FAM161A: variants seen among roughly 807,000 people sequenced by gnomAD.
The protein encoded by FAM161A is FAM161 centrosomal protein A.
FAM161A carries 57 observed loss-of-function variants against 70.9 expected under a neutral mutation model. The observed-to-expected ratio is 0.80, with a 90% CI of 0.65 to 1.00. The LOEUF (loss-of-function observed/expected upper bound fraction) is 1.00. Ranked by LOEUF, FAM161A falls within the 50% of genes least tolerant of loss-of-function variation. FAM161A has a pLI of 0.00. For missense variants in FAM161A, 880 were observed against 836.0 expected, an observed-to-expected ratio of 1.05 and a Z score of -0.65; for synonymous variants, 299 against 295.7, an observed-to-expected ratio of 1.01 and a Z score of -0.12.
chr2:61,823,053 G>T (rs1394928331), downstream of FAM161A, among the ~76,000 whole-genome samples: 1 of 150,670 alleles, frequency 6.6e-6, no homozygotes, highest in African/African-American at 2.4e-5. Context: ...CAGAGTAAAA[G>T]AATAATTGCG....
At chr2:61,802,051 A>G in the FAM161A span, among the ~76,000 whole-genome samples, 5 of 152,248 alleles carry the variant, frequency 3.3e-5, no homozygotes, top group African/African-American at 7.2e-5. Context: ...CAATTAGAAT[A>G]AAATTCCTGA....
the FAM161A span, among the ~76,000 whole-genome samples, chr2:61,811,581 C>T: frequency 2.1e-3 from 322 of 152,268 alleles, 2 homozygotes; most frequent in African/African-American, 7.4e-3. Flanking sequence ...CCATTTTGGC[C>T]AGGTTGGTCT....
Position 61,826,559 on chromosome 2 carries a change from C to G in FAM161A, c.2047G>C (p.Glu683Gln). 6.3e-7 allele frequency: 1 copy of G among 1,599,708 alleles called. No homozygotes were observed. The highest frequency in any genetic ancestry group is 8.5e-7 in the Non-Finnish European group (1 of 1,170,336). The change falls in exon 7 of 7, where the codon GAA becomes CAA. Residue 683 changes from glutamate (E) to glutamine (Q), a missense_variant. Transcript: ENST00000404929. Reference protein sequence around the residue: ...EEKIEERENGEENYFIDTNSQ... With the variant: ...EEKIEERENGQENYFIDTNSQ... Reference sequence around the variant, plus strand: ...TTGGTATCAATAAAATAATTTTCTTCCCCATTCTCTCTTTCTTCTATTTTT... The same window carrying G: ...TTGGTATCAATAAAATAATTTTCTTGCCCATTCTCTCTTTCTTCTATTTTT...
At position 61,839,944 on chromosome 2, in the gene FAM161A, G is replaced by T. The variant is rs769445913; in HGVS notation, c.1060C>A (p.Arg354=). The part of the protein sequence containing the change: ...DFLKYKKKTN[R]FKARPIPRST... ...CGAGGAATGGGTCTGGCTTTAAATC[G>T]ATTTGTTTTCTTTTTATACTTAAGA... is the stretch of plus-strand genomic sequence containing the variant. Residue 354 remains arginine (R), a synonymous_variant, in exon 3 of 7, where the codon CGA becomes AGA. Coordinates refer to ENST00000404929, the MANE Select transcript of FAM161A (RefSeq NM_001201543.2). The T allele has an allele frequency of 1.2e-6, 2 of 1,614,158 alleles. No homozygotes were observed. The highest frequency in any genetic ancestry group is 1.7e-6 in the Non-Finnish European group (2 of 1,180,034).
At chr2:61,809,898 G>C in the FAM161A span, among the ~76,000 whole-genome samples, 2 of 152,142 alleles carry the variant, frequency 1.3e-5, no homozygotes, top group African/African-American at 2.4e-5. Flanking sequence ...AGGAGGAAAG[G>C]GTATTGGGAC....
At chr2:61,843,904 GA>G (rs1283350770) in intron 1 of FAM161A, among the ~76,000 whole-genome samples, 7 of 152,144 alleles carry the variant, frequency 4.6e-5, no homozygotes, top group African/African-American at 1.7e-4. Flanking sequence ...AGCACTTTGG[GA>G]GGCCGAGGCA....
chr2:61,801,766 G>C, the FAM161A span, among the ~76,000 whole-genome samples: 1 of 152,022 alleles, frequency 6.6e-6, no homozygotes, highest in Middle Eastern at 3.4e-3. Flanking sequence ...TCACCATGTT[G>C]GCCAGGCTGG....
At chr2:61,819,277 C>T in the FAM161A span, among the ~76,000 whole-genome samples, 15 of 152,148 alleles carry the variant, frequency 9.9e-5, no homozygotes, top group African/African-American at 3.6e-4. Flanking sequence ...GCCTGGGCAA[C>T]ATGGCAAAAC....
chr2:61,829,166 G>A (rs1057074350), intron 5 of FAM161A, among the ~76,000 whole-genome samples: 1 of 152,180 alleles, frequency 6.6e-6, no homozygotes, highest in Non-Finnish European at 1.5e-5. Flanking sequence ...AAGGTCACAA[G>A]GCTAGTGAGT....
intron 3 of FAM161A, among the ~76,000 whole-genome samples, 187 bp from the exon 4 acceptor site, chr2:61,838,892 A>ATT (rs746321568): frequency 6.1e-5 from 8 of 130,278 alleles, no homozygotes; most frequent in African/African-American, 1.9e-4. Context: ...TTATTTATTT[A>ATT]TTTTTTTTGA....
downstream of FAM161A, chr2:61,820,334 T>C: frequency 1.3e-6 from 1 of 746,370 alleles, no homozygotes. Context: ...TGTGTGGTCA[T>C]GAGAGATCCC....
At chr2:61,803,673 G>A in the FAM161A span, among the ~76,000 whole-genome samples, 1 of 152,162 alleles carries the variant, frequency 6.6e-6, no homozygotes, top group Admixed American at 6.5e-5. Context: ...AATTAGCTGG[G>A]CATGGTGACA....
the FAM161A span, among the ~76,000 whole-genome samples, chr2:61,804,401 T>C: frequency 2.0e-5 from 3 of 152,184 alleles, no homozygotes; most frequent in Middle Eastern, 3.4e-3. Context: ...CTTTTCAAGA[T>C]GGAGTTGCTC....
chr2:61,821,198 G>A (rs933691937), downstream of FAM161A, among the ~76,000 whole-genome samples: 18 of 152,054 alleles, frequency 1.2e-4, no homozygotes, highest in East Asian at 1.9e-4. Context: ...GACTACAGGC[G>A]CCTGCCACCA....
chr2:61,829,348 GT>G (rs1402019243), intron 5 of FAM161A, among the ~76,000 whole-genome samples: 1 of 152,172 alleles, frequency 6.6e-6, no homozygotes, highest in Non-Finnish European at 1.5e-5. Context: ...GGAGTCTAGT[GT>G]TACACAGGAG....
intron 1 of FAM161A, among the ~76,000 whole-genome samples, chr2:61,852,182 T>G (rs1228118305): frequency 6.6e-6 from 1 of 152,144 alleles, no homozygotes; most frequent in East Asian, 1.9e-4. Context: ...CTTCCTTTTT[T>G]TTTTTGTAGG....
the FAM161A span, among the ~76,000 whole-genome samples, chr2:61,814,585 T>G: frequency 6.6e-6 from 1 of 152,142 alleles, no homozygotes; most frequent in Non-Finnish European, 1.5e-5. Context: ...CTTGATGATG[T>G]GCAGCTGTAA....
intron 4 of FAM161A, among the ~76,000 whole-genome samples, chr2:61,837,508 C>T (rs1672816607): frequency 2.6e-5 from 4 of 152,184 alleles, no homozygotes; most frequent in Admixed American, 2.6e-4. Flanking sequence ...GTGGCTCACG[C>T]CTGTAATCCC....
chr2:61,836,257 C>G, intron 4 of FAM161A, 148 bp from the exon 5 acceptor site: 1 of 661,982 alleles, frequency 1.5e-6, no homozygotes, highest in Non-Finnish European at 2.7e-6. Context: ...AAATTATAAG[C>G]ACAGTTCACA....
Sources: gnomAD v4.1 joint callset for allele counts (sites outside exome capture counted in the v4.1 genomes callset) on GRCh38, gnomAD v4.1.1 for gene constraint, MANE v1.5 for transcripts, NCBI Gene and HGNC (gene_info 2026-07-23, HGNC 2026-07-21) for gene names.